The following DNER variants were observed in gnomAD, a reference collection of about 807,000 sequenced individuals.
The protein encoded by DNER is delta and Notch-like epidermal growth factor-related receptor.
A neutral mutation model predicts 78.2 loss-of-function variants in DNER; 33 were observed. The observed-to-expected ratio is 0.42, with a 90% CI of 0.32 to 0.56. The LOEUF is 0.56. Among genes scored for constraint, DNER ranks in the 20% least tolerant of loss-of-function variants. The pLI is 0.11. For missense variants in DNER, 918 were observed against 975.3 expected (o/e 0.94, Z 0.78); for synonymous variants, 417 against 384.8 (o/e 1.08, Z -0.98).
At chr2:229,508,769 T>C (rs1695798560) in intron 6 of DNER, among the ~76,000 whole-genome samples, 1 of 152,020 alleles carries the variant, frequency 6.6e-6, no homozygotes, top group African/African-American at 2.4e-5. Flanking sequence ...TAGTCCCAGC[T>C]ACTCGGGAGG....
At chr2:229,603,858 C>T (rs1697881321) in intron 1 of DNER, among the ~76,000 whole-genome samples, 1 of 152,056 alleles carries the variant, frequency 6.6e-6, no homozygotes, top group South Asian at 2.1e-4. Context: ...CTGACATACT[C>T]TTTGTTCCTT....
At chr2:229,542,836 T>TC (rs1696542594) in intron 5 of DNER, among the ~76,000 whole-genome samples, 1 of 149,664 alleles carries the variant, frequency 6.7e-6, no homozygotes, top group Non-Finnish European at 1.5e-5. Context: ...GGAGTTCAAG[T>TC]CCCCCCAGAC....
chr2:229,472,884 G>A (rs1316124361), intron 7 of DNER, among the ~76,000 whole-genome samples: 1 of 152,176 alleles, frequency 6.6e-6, no homozygotes, highest in Non-Finnish European at 1.5e-5. Context: ...TGTTGATGAA[G>A]GATAAAAATC....
chr2:229,691,790 G>A (rs1699577728), intron 1 of DNER, among the ~76,000 whole-genome samples: 1 of 151,968 alleles, frequency 6.6e-6, no homozygotes, highest in Non-Finnish European at 1.5e-5. Context: ...TCCAGTGGTG[G>A]ACACATGACT....
chr2:229,650,541 C>T (rs963721835), intron 1 of DNER, among the ~76,000 whole-genome samples: 1 of 152,206 alleles, frequency 6.6e-6, no homozygotes, highest in Admixed American at 6.5e-5. Context: ...ACTTCCAATA[C>T]CAAATTTTCA....
At chr2:229,362,726 C>T (rs998053923) in intron 12 of DNER, among the ~76,000 whole-genome samples, 3 of 152,144 alleles carry the variant, frequency 2.0e-5, no homozygotes, top group Non-Finnish European at 1.5e-5. Context: ...TAAGTGTTGG[C>T]CATCACAGAG....
intron 11 of DNER, among the ~76,000 whole-genome samples, chr2:229,368,315 A>T (rs1692398086): frequency 6.6e-6 from 1 of 152,206 alleles, no homozygotes; most frequent in South Asian, 2.1e-4. Context: ...GTGAGCCAAG[A>T]TCACACCAAC....
At chr2:229,513,808 T>G (rs1695918661) in intron 5 of DNER, among the ~76,000 whole-genome samples, 1 of 152,148 alleles carries the variant, frequency 6.6e-6, no homozygotes. Flanking sequence ...AAAAGCCCCT[T>G]GCCCAGCTCA....
chr2:229,633,213 C>G (rs890488473), intron 1 of DNER, among the ~76,000 whole-genome samples: 1 of 152,188 alleles, frequency 6.6e-6, no homozygotes, highest in African/African-American at 2.4e-5. Flanking sequence ...TGAGCCAGTT[C>G]TGGTACAATG....
chr2:229,480,251 T>C (rs1359430512), intron 6 of DNER, among the ~76,000 whole-genome samples: 1 of 152,228 alleles, frequency 6.6e-6, no homozygotes, highest in African/African-American at 2.4e-5. Context: ...CCGTTTAATT[T>C]CATCTAGTCT....
At chr2:229,531,331 G>A (rs373329564) in intron 5 of DNER, among the ~76,000 whole-genome samples, 2 of 152,160 alleles carry the variant, frequency 1.3e-5, no homozygotes, top group South Asian at 4.1e-4. Context: ...ACAGCATATG[G>A]TTGGAATTCA....
chr2:229,636,620 G>T (rs901131365), intron 1 of DNER, among the ~76,000 whole-genome samples: 3 of 152,188 alleles, frequency 2.0e-5, no homozygotes, highest in African/African-American at 7.2e-5. Flanking sequence ...CATGAGACTT[G>T]AATCACAAGA....
At chr2:229,455,028 A>G (rs1694541745) in intron 7 of DNER, among the ~76,000 whole-genome samples, 1 of 152,148 alleles carries the variant, frequency 6.6e-6, no homozygotes, top group African/African-American at 2.4e-5. Context: ...ATGATTATTA[A>G]TGACCACTAG....
At chr2:229,456,585 ACAGGGACCAGCCTCTTCTG>A (rs534039263) in intron 7 of DNER, among the ~76,000 whole-genome samples, 59 of 152,146 alleles carry the variant, frequency 3.9e-4, no homozygotes, top group Admixed American at 4.6e-4. Context: ...AACAATGTCT[ACAGGGACCAGCCTCTTCTG>A]CAGCTACATG....
At chr2:229,713,435 G>A (rs1241341825) in intron 1 of DNER, among the ~76,000 whole-genome samples, 2 of 152,160 alleles carry the variant, frequency 1.3e-5, no homozygotes, top group Non-Finnish European at 2.9e-5. Flanking sequence ...CTCACGCCCC[G>A]GCTGCCAGCC....
intron 7 of DNER, among the ~76,000 whole-genome samples, chr2:229,474,377 C>T (rs1470983285): frequency 6.6e-6 from 1 of 152,204 alleles, no homozygotes; most frequent in Non-Finnish European, 1.5e-5. Flanking sequence ...TTCTTCTAAA[C>T]TCTAATGAAA....
chr2:229,370,566 C>T (rs1015352338), intron 11 of DNER, among the ~76,000 whole-genome samples: 4 of 152,208 alleles, frequency 2.6e-5, no homozygotes, highest in Admixed American at 6.5e-5. Context: ...CCCAAATCTG[C>T]AGCCATCTCA....
At chr2:229,515,988 C>A (rs1050051742) in intron 5 of DNER, among the ~76,000 whole-genome samples, 2 of 152,162 alleles carry the variant, frequency 1.3e-5, no homozygotes, top group African/African-American at 2.4e-5. Context: ...CAGAAGCCAT[C>A]CATTTTGTTT....
chr2:229,418,018 G>T, intron 9 of DNER, 90 bp downstream of exon 9: 2 of 1,585,800 alleles, frequency 1.3e-6, no homozygotes, highest in Non-Finnish European at 1.7e-6. Context: ...AACAATTCAT[G>T]GTCCAATTAG....
Sources: allele counts gnomAD v4.1 joint callset (sites outside exome capture counted in the v4.1 genomes callset), GRCh38; gene constraint gnomAD v4.1.1; transcripts MANE v1.5; gene names NCBI Gene and HGNC (gene_info 2026-07-23, HGNC 2026-07-21).